ARHGEF37: variants seen among roughly 807,000 people sequenced by gnomAD.
The protein encoded by ARHGEF37 is Rho guanine nucleotide exchange factor (GEF) 37.
A neutral mutation model predicts 71.1 loss-of-function variants in ARHGEF37; 55 were observed. The observed-to-expected ratio is 0.77, with a 90% CI of 0.62 to 0.97. The LOEUF (loss-of-function observed/expected upper bound fraction) is 0.97, where lower values mean the gene tolerates loss of function less well. Ranked by LOEUF, ARHGEF37 falls within the 50% of genes least tolerant of loss-of-function variation. The pLI is 0.00. For missense variants in ARHGEF37, 765 were observed against 836.8 expected (o/e 0.91, Z 1.06); for synonymous variants, 327 against 350.6 (o/e 0.93, Z 0.75).
In ARHGEF37 at chr5:149,621,890, A is replaced by C. The variant is rs760057349; in HGVS notation, c.1163A>C (p.Glu388Ala). The C allele has an allele frequency of 6.2e-7, 1 of 1,614,236 alleles. No individual in the cohort carries two copies. The change falls in exon 9 of 13, where the codon GAG (glutamate) becomes GCG (alanine). Residue 388 changes from glutamate (E) to alanine (A), a missense_variant. Coordinates refer to ENST00000333677, the MANE Select transcript of ARHGEF37 (RefSeq NM_001001669.3). Reference protein sequence around the residue: ...LLEVGSVTYQEEAARHTYQAL... With the variant: ...LLEVGSVTYQAEAARHTYQAL... Reference sequence around the variant, plus strand: ...GAGGTGGGCAGTGTGACCTACCAGGAGGAGGCCGCCCGGCACACATACCAG... The same window carrying C: ...GAGGTGGGCAGTGTGACCTACCAGGCGGAGGCCGCCCGGCACACATACCAG...
chr5:149,592,153 T>TA (rs758203823), intron 1 of ARHGEF37, among the ~76,000 whole-genome samples: 19 of 152,362 alleles, frequency 1.2e-4, no homozygotes, highest in Non-Finnish European at 2.4e-4. Context: ...ATTGGTATAA[T>TA]ATACGTGTTT....
At chr5:149,628,736 C>T (rs1333719168) in intron 11 of ARHGEF37, 73 bp from the exon 12 acceptor site, 1 of 1,499,958 alleles carries the variant, frequency 6.7e-7, no homozygotes, top group South Asian at 1.3e-5. Context: ...CATTTATATC[C>T]ATGGATTTTC....
At chr5:149,626,823 G>C (rs1752697864) in intron 10 of ARHGEF37, 5 of 354,370 alleles carry the variant, frequency 1.4e-5, no homozygotes, top group Admixed American at 4.3e-5. Context: ...TTCAGTAACT[G>C]AGAGATTTCA....
intron 4 of ARHGEF37, among the ~76,000 whole-genome samples, chr5:149,612,632 C>T (rs982708711): frequency 1.3e-5 from 2 of 152,184 alleles, no homozygotes; most frequent in African/African-American, 2.4e-5. Context: ...TAACACATTT[C>T]GAGGCCTTTG....
chr5:149,583,215 C>A (rs961400975), intron 1 of ARHGEF37, among the ~76,000 whole-genome samples: 8 of 152,244 alleles, frequency 5.3e-5, no homozygotes, highest in Non-Finnish European at 1.2e-4. Flanking sequence ...TGGTTCACTG[C>A]AACCTCCGCC....
chr5:149,626,613 G>T (rs151168798), intron 10 of ARHGEF37, among the ~76,000 whole-genome samples: 5 of 152,180 alleles, frequency 3.3e-5, no homozygotes. Flanking sequence ...TGGAATCAAA[G>T]GTTACATGCC....
At chr5:149,585,880 T>C (rs1763222709) in intron 1 of ARHGEF37, among the ~76,000 whole-genome samples, 1 of 152,222 alleles carries the variant, frequency 6.6e-6, no homozygotes, top group South Asian at 2.1e-4. Context: ...AACTCAAACT[T>C]TTTGGTGGCT....
chr5:149,608,508 G>A (rs1303788763), intron 3 of ARHGEF37, among the ~76,000 whole-genome samples: 1 of 151,878 alleles, frequency 6.6e-6, no homozygotes, highest in African/African-American at 2.4e-5. Context: ...GAGTAGCTGG[G>A]ACTACAAGGG....
At chr5:149,625,610 C>T (rs748480552) in intron 10 of ARHGEF37, among the ~76,000 whole-genome samples, 22 of 152,388 alleles carry the variant, frequency 1.4e-4, no homozygotes, top group Non-Finnish European at 2.1e-4. Context: ...TGTCCCCGCT[C>T]TTACTCTACA....
intron 1 of ARHGEF37, among the ~76,000 whole-genome samples, chr5:149,559,092 G>A (rs13179497): frequency 0.24 from 36,241 of 152,096 alleles, 5,017 homozygotes; most frequent in Admixed American, 0.4. Context: ...GGAGGCCGAG[G>A]TGGGCAGATC....
At chr5:149,568,005 C>T (rs1157845581) in intron 1 of ARHGEF37, among the ~76,000 whole-genome samples, 1 of 152,104 alleles carries the variant, frequency 6.6e-6, no homozygotes, top group African/African-American at 2.4e-5. Flanking sequence ...CATCTAATTC[C>T]AGTCCAACTT....
In ARHGEF37 at chr5:149,624,554, A is replaced by T. The variant is rs545158542; in HGVS notation, c.1464+414A>T. On this transcript the variant is annotated intron_variant, in intron 10 of 12. Transcript: ENST00000333677. ...TTTGGGAGGCCGAGGTGGGTGGATCACTTGAGGCCAAGAGTTCGAGACCAG... is the reference window on the plus strand; with the variant it reads ...TTTGGGAGGCCGAGGTGGGTGGATCTCTTGAGGCCAAGAGTTCGAGACCAG... Among the ~76,000 whole-genome samples, 14 of 152,320 alleles carry T rather than the reference A, an allele frequency of 9.2e-5. No individual in the cohort carries two copies. The South Asian group carries it at 1.0e-3, about 11-fold the overall frequency.
chr5:149,606,462 T>A (rs75464155), intron 3 of ARHGEF37, among the ~76,000 whole-genome samples: 17,795 of 152,236 alleles, frequency 0.12, 1,234 homozygotes, highest in East Asian at 0.3. Flanking sequence ...ACAGACCTTG[T>A]CTGGGTCACA....
At chr5:149,610,650 T>G (rs4705075) in intron 4 of ARHGEF37, among the ~76,000 whole-genome samples, 51,343 of 152,086 alleles carry the variant, frequency 0.34, 10,766 homozygotes, top group Non-Finnish European at 0.47. Context: ...TCCCTTTTTA[T>G]TCATCCTTCA....
intron 1 of ARHGEF37, among the ~76,000 whole-genome samples, chr5:149,559,500 G>A (rs998274983): frequency 1.3e-5 from 2 of 152,064 alleles, no homozygotes; most frequent in East Asian, 1.9e-4. Context: ...ACCAATCCTC[G>A]TTGAGTATTC....
At position 149,616,634 on chromosome 5, in the gene ARHGEF37, C is replaced by T. The variant is rs746777805; in HGVS notation, c.526C>T (p.Pro176Ser). 1 of 1,613,364 alleles carries T rather than the reference C, an allele frequency of 6.2e-7. No individual in the cohort carries two copies. Among genetic ancestry groups the T allele is most frequent in the South Asian group, 1.1e-5 (1 of 91,020 alleles). ...VIPLQRITRY[P>S]LLLQKILENT... ...TCCTCTGCAGAGGATCACCAGGTAC[C>T]CACTGCTGCTGCAGAAAATCCTGGA... The change falls in exon 5 of 13, where the codon CCA becomes TCA. Residue 176 changes from proline (P) to serine (S), a missense_variant. Pro to Ser is a moderately conservative substitution (Grantham distance 74, BLOSUM62 -1). Coordinates refer to ENST00000333677, the MANE Select transcript of ARHGEF37 (RefSeq NM_001001669.3).
chr5:149,627,387 G>T (rs1011280635), intron 11 of ARHGEF37, 116 bp downstream of exon 11: 2 of 1,175,178 alleles, frequency 1.7e-6, no homozygotes, highest in African/African-American at 3.1e-5. Context: ...TCCAGGATGG[G>T]AGTAGGCACA....
intron 2 of ARHGEF37, among the ~76,000 whole-genome samples, chr5:149,600,249 ATGT>A (rs1561795697): frequency 6.6e-6 from 1 of 152,232 alleles, no homozygotes; most frequent in Non-Finnish European, 1.5e-5. Context: ...ATTGATTAAA[ATGT>A]TATTATGCAG....
chr5:149,563,485 T>C (rs1196765560), intron 1 of ARHGEF37, among the ~76,000 whole-genome samples: 3 of 152,254 alleles, frequency 2.0e-5, no homozygotes, highest in African/African-American at 7.2e-5. Flanking sequence ...CTTCTTAGCC[T>C]GTATTTTTTT....
Sources: allele counts gnomAD v4.1 joint callset (sites outside exome capture counted in the v4.1 genomes callset), GRCh38; gene constraint gnomAD v4.1.1; transcripts MANE v1.5; gene names NCBI Gene and HGNC (gene_info 2026-07-23, HGNC 2026-07-21).